The following PLCB1 variants were observed in gnomAD, a reference collection of about 807,000 sequenced individuals.
PLCB1 encodes the protein 1-phosphatidylinositol 4,5-bisphosphate phosphodiesterase beta-1.
Under a neutral mutation model 161.8 loss-of-function variants are expected in PLCB1, and 46 were observed. That is an observed-to-expected ratio of 0.28 (90% CI 0.22 to 0.36). PLCB1 has a LOEUF of 0.36. Among genes scored for constraint, PLCB1 ranks in the 10% least tolerant of loss-of-function variants. The pLI is 1.00. For synonymous variants in PLCB1, 517 were observed against 503.7 expected (o/e 1.03, Z -0.35); for missense variants, 1,016 against 1,472.5 (o/e 0.69, Z 5.07).
At chr20:8,852,909 CCT>C (rs1986938861) in intron 31 of PLCB1, among the ~76,000 whole-genome samples, 1 of 152,156 alleles carries the variant, frequency 6.6e-6, no homozygotes, top group African/African-American at 2.4e-5. Context: ...TGTTACTGCC[CCT>C]GAGTGGTGGC....
At chr20:8,646,517 A>G (rs1183567012) in intron 5 of PLCB1, among the ~76,000 whole-genome samples, 3 of 152,174 alleles carry the variant, frequency 2.0e-5, no homozygotes, top group Admixed American at 2.0e-4. Flanking sequence ...CTCTGCTTCT[A>G]CATCTGTGTG....
rs140851265 is a variant in PLCB1 at position 8,640,253 on chromosome 20, G to A, written c.385-5849G>A. 2.4e-3 allele frequency among the ~76,000 whole-genome samples: 360 copies of A among 152,274 alleles called. 1 individual carries two copies. The highest frequency in any genetic ancestry group is 4.6e-3 in the South Asian group (22 of 4,816). The stretch of plus-strand genomic sequence containing the variant: ...CAAGTAATGCAGTTTTAAGATTGTC[G>A]AACTGCTTTCATAATAAGCAGATAA... On this transcript the variant is annotated intron_variant, in intron 4 of 31. Transcript: ENST00000338037.
At chr20:8,473,989 G>GT (rs1982163389) in intron 3 of PLCB1, among the ~76,000 whole-genome samples, 1 of 152,190 alleles carries the variant, frequency 6.6e-6, no homozygotes, top group Non-Finnish European at 1.5e-5. Flanking sequence ...AATTAAGACA[G>GT]TTAATTAATT....
chr20:8,395,425 G>A (rs748912996), intron 3 of PLCB1, among the ~76,000 whole-genome samples: 22 of 151,916 alleles, frequency 1.4e-4, no homozygotes, highest in Non-Finnish European at 2.9e-4. Context: ...TCTTATATTA[G>A]TTCTGTCCTA....
intron 3 of PLCB1, chr20:8,372,199 A>G (rs771795586): frequency 2.0e-5 from 3 of 152,322 alleles, no homozygotes; most frequent in African/African-American, 4.8e-5. Context: ...ATAGAAGTAC[A>G]GTTGCCATTT....
intron 23 of PLCB1, among the ~76,000 whole-genome samples, chr20:8,756,146 A>G (rs1054626423): frequency 1.3e-5 from 2 of 152,162 alleles, no homozygotes; most frequent in African/African-American, 4.8e-5. Flanking sequence ...AGATTCTGAC[A>G]ACTTTCACAT....
chr20:8,692,802 G>C (rs1457305428), intron 10 of PLCB1, among the ~76,000 whole-genome samples: 1 of 152,122 alleles, frequency 6.6e-6, no homozygotes, highest in Non-Finnish European at 1.5e-5. Flanking sequence ...ACCCTTCTAA[G>C]AGTGAAGAAA....
intron 9 of PLCB1, among the ~76,000 whole-genome samples, chr20:8,674,664 G>C (rs1990031792): frequency 6.6e-6 from 1 of 152,128 alleles, no homozygotes; most frequent in African/African-American, 2.4e-5. Flanking sequence ...ACACCTTCTG[G>C]GAAAGGAGCC....
intron 31 of PLCB1, among the ~76,000 whole-genome samples, chr20:8,825,418 T>C (rs1985644879): frequency 6.6e-6 from 1 of 152,150 alleles, no homozygotes; most frequent in Non-Finnish European, 1.5e-5. Flanking sequence ...GTAAATGGTA[T>C]AAGGTCTGGT....
intron 2 of PLCB1, among the ~76,000 whole-genome samples, chr20:8,313,579 T>A (rs528469326): frequency 3.3e-5 from 5 of 152,292 alleles, no homozygotes; most frequent in South Asian, 4.1e-4. Context: ...AGCAAAGAAT[T>A]GGACACATTG....
At chr20:8,421,178 G>GC (rs917594520) in intron 3 of PLCB1, among the ~76,000 whole-genome samples, 2 of 152,168 alleles carry the variant, frequency 1.3e-5, no homozygotes, top group African/African-American at 2.4e-5. Flanking sequence ...TAATGAATTT[G>GC]CTTACACAGT....
chr20:8,870,020 A>G (rs1987559170), intron 31 of PLCB1, among the ~76,000 whole-genome samples: 1 of 152,258 alleles, frequency 6.6e-6, no homozygotes, highest in Admixed American at 6.5e-5. Flanking sequence ...TGCATAGGCC[A>G]TGCCTGCTAA....
At chr20:8,637,140 C>T (rs1988787149) in intron 4 of PLCB1, among the ~76,000 whole-genome samples, 1 of 152,018 alleles carries the variant, frequency 6.6e-6, no homozygotes, top group East Asian at 1.9e-4. Context: ...TTGGTGTTGG[C>T]AGGGGAATAC....
At chr20:8,551,480 C>T (rs781764062) in intron 3 of PLCB1, among the ~76,000 whole-genome samples, 7 of 152,292 alleles carry the variant, frequency 4.6e-5, no homozygotes, top group Non-Finnish European at 7.3e-5. Context: ...ATATGTTCTT[C>T]GAAGGGTGTG....
chr20:8,634,924 A>G (rs1988714169), intron 4 of PLCB1, among the ~76,000 whole-genome samples: 1 of 152,010 alleles, frequency 6.6e-6, no homozygotes, highest in Non-Finnish European at 1.5e-5. Flanking sequence ...TAATGCCTTT[A>G]TAATATGGTA....
chr20:8,316,093 T>C (rs1332823971), intron 2 of PLCB1, among the ~76,000 whole-genome samples: 2 of 152,190 alleles, frequency 1.3e-5, no homozygotes, highest in East Asian at 3.8e-4. Flanking sequence ...TATGCTTTAT[T>C]GATATCTGGC....
chr20:8,159,207 A>G (rs1054826719), intron 2 of PLCB1, among the ~76,000 whole-genome samples: 1 of 152,038 alleles, frequency 6.6e-6, no homozygotes, highest in African/African-American at 2.4e-5. Context: ...AGGTTCCCAA[A>G]CCTCAATTCT....
chr20:8,392,119 G>GA (rs1396977988), intron 3 of PLCB1, among the ~76,000 whole-genome samples: 1 of 151,878 alleles, frequency 6.6e-6, no homozygotes, highest in East Asian at 1.9e-4. Flanking sequence ...CTTAATCGCC[G>GA]ATGCAATAGT....
At chr20:8,489,849 T>A (rs1217439587) in intron 3 of PLCB1, among the ~76,000 whole-genome samples, 1 of 152,226 alleles carries the variant, frequency 6.6e-6, no homozygotes, top group East Asian at 1.9e-4. Flanking sequence ...AGGGGAACTG[T>A]ATTCTTCCTG....
Sources: allele counts gnomAD v4.1 joint callset (sites outside exome capture counted in the v4.1 genomes callset), GRCh38; gene constraint gnomAD v4.1.1; transcripts MANE v1.5; gene names NCBI Gene and HGNC (gene_info 2026-07-23, HGNC 2026-07-21).